Variants in RBFOX3 observed in about 807,000 individuals in gnomAD.
RBFOX3 encodes the protein RNA binding fox-1 homolog 3.
Under a neutral mutation model 48.7 loss-of-function variants are expected in RBFOX3, and 17 were observed. The ratio of observed to expected loss-of-function variants is 0.35; its 90% CI spans 0.24 to 0.52. The LOEUF (loss-of-function observed/expected upper bound fraction) is 0.52, where lower values mean the gene tolerates loss of function less well. Ranked by LOEUF, RBFOX3 falls within the 20% of genes least tolerant of loss-of-function variation. The probability of loss-of-function intolerance (pLI) is 0.94; values close to 1 mark genes in which losing one functional copy is unlikely to be tolerated. For synonymous variants in RBFOX3, 212 were observed against 209.5 expected (o/e 1.01, Z -0.10); for missense variants, 382 against 497.5 (o/e 0.77, Z 2.21).
At chr17:79,424,805 G>A (rs1181658130) in intron 2 of RBFOX3, among the ~76,000 whole-genome samples, 1 of 152,122 alleles carries the variant, frequency 6.6e-6, no homozygotes, top group Non-Finnish European at 1.5e-5. Flanking sequence ...CTGCCTGGAC[G>A]GATGCTGGTG....
chr17:79,169,741 C>T (rs1375696047), intron 4 of RBFOX3, among the ~76,000 whole-genome samples: 2 of 152,190 alleles, frequency 1.3e-5, no homozygotes, highest in Non-Finnish European at 2.9e-5. Flanking sequence ...GAGGTGGCTG[C>T]CACTGGGCAT....
intron 9 of RBFOX3, chr17:79,098,047 C>T: frequency 2.5e-6 from 1 of 406,964 alleles, no homozygotes; most frequent in Non-Finnish European, 4.5e-6. Context: ...GCCTGGGGTA[C>T]CCACCTCCCA....
intron 1 of RBFOX3, among the ~76,000 whole-genome samples, chr17:79,508,153 A>C (rs1169547722): frequency 6.6e-6 from 1 of 152,260 alleles, no homozygotes; most frequent in Non-Finnish European, 1.5e-5. Context: ...AAATCCCTGC[A>C]TGAAAATGAC....
At chr17:79,582,740 G>T (rs1028907237) in intron 1 of RBFOX3, among the ~76,000 whole-genome samples, 1 of 121,656 alleles carries the variant, frequency 8.2e-6, no homozygotes, top group Non-Finnish European at 1.6e-5. Context: ...CCATGATCGC[G>T]CCACTGCACT....
chr17:79,247,254 C>G (rs992265063), intron 3 of RBFOX3, among the ~76,000 whole-genome samples: 7 of 151,958 alleles, frequency 4.6e-5, no homozygotes, highest in African/African-American at 1.7e-4. Flanking sequence ...CTCATCTCCC[C>G]ACCCTGGCTG....
At chr17:79,464,410 C>T (rs1339406545) in intron 2 of RBFOX3, among the ~76,000 whole-genome samples, 1 of 152,230 alleles carries the variant, frequency 6.6e-6, no homozygotes, top group Non-Finnish European at 1.5e-5. Context: ...GGGAGGATGC[C>T]CATCAAGGCG....
rs1402005935 is a variant in RBFOX3 at position 79,584,818 on chromosome 17, T to C, written c.-320+26008A>G. On this transcript the variant is annotated intron_variant, in intron 1 of 14. Coordinates refer to ENST00000693108, the MANE Select transcript of RBFOX3 (RefSeq NM_001350451.2). ...TCTCACTCTGTCGCCCAGGCTGGAGTGCAGTGGCACGATCTCAGCTCACTG... is the reference window on the plus strand; with the variant it reads ...TCTCACTCTGTCGCCCAGGCTGGAGCGCAGTGGCACGATCTCAGCTCACTG... 1.4e-3 allele frequency among the ~76,000 whole-genome samples: 208 copies of C among 151,998 alleles called. 1 individual carries two copies. The highest frequency in any genetic ancestry group is 6.0e-4 in the Non-Finnish European group (41 of 67,998).
intron 4 of RBFOX3, among the ~76,000 whole-genome samples, chr17:79,161,172 G>A (rs1423716791): frequency 6.6e-6 from 1 of 152,032 alleles, no homozygotes; most frequent in Non-Finnish European, 1.5e-5. Context: ...CATCCAGCCT[G>A]AGGCACTCAG....
intron 4 of RBFOX3, among the ~76,000 whole-genome samples, chr17:79,167,601 C>G (rs1482186654): frequency 6.6e-6 from 1 of 152,216 alleles, no homozygotes; most frequent in East Asian, 1.9e-4. Context: ...TCTGGTCTGT[C>G]TCTCTCACCC....
intron 1 of RBFOX3, among the ~76,000 whole-genome samples, chr17:79,605,876 A>C (rs2093817834): frequency 6.6e-6 from 1 of 152,144 alleles, no homozygotes; most frequent in South Asian, 2.1e-4. Flanking sequence ...GCCCCAACCT[A>C]CACGGAAGGA....
At chr17:79,281,955 A>G (rs2070646913) in intron 3 of RBFOX3, among the ~76,000 whole-genome samples, 2 of 152,198 alleles carry the variant, frequency 1.3e-5, no homozygotes, top group South Asian at 2.1e-4. Context: ...CGTTAATTTC[A>G]TCATCACTGA....
In RBFOX3 at chr17:79,090,836, T is replaced by TTTTTG. The variant is rs1024168670; in HGVS notation, c.*42_*46dup. Reference sequence around the variant, plus strand: ...TTTTTGTTTTGTGATTTTTTTTGTTTTTTTGTTTTTGCCCTTCATGGTCCG... The same window carrying TTTTTG: ...TTTTTGTTTTGTGATTTTTTTTGTTTTTTTGTTTTGTTTTTGCCCTTCATGGTCCG... On this transcript the variant is annotated 3_prime_UTR_variant, in exon 15 of 15. Transcript: ENST00000693108. The TTTTTG allele has an allele frequency of 6.6e-7, 1 of 1,507,644 alleles. No homozygotes were observed. Among genetic ancestry groups the TTTTTG allele is most frequent in the African/African-American group, 1.4e-5 (1 of 70,144 alleles). The allele number at this position is 1,507,644 out of a possible 1,614,324, so 93.4% of individuals were successfully genotyped here.
At chr17:79,538,953 G>T (rs782215340) in intron 1 of RBFOX3, among the ~76,000 whole-genome samples, 2 of 152,116 alleles carry the variant, frequency 1.3e-5, no homozygotes, top group Non-Finnish European at 1.5e-5. Flanking sequence ...ACATAAATAC[G>T]CATGCAAACA....
rs2073714048 is a variant in RBFOX3, at chr17:79,090,723, CA to C, written c.*159del. The C allele has an allele frequency of 1.1e-6, 1 of 918,798 alleles. No individual in the cohort carries two copies. The highest frequency in any genetic ancestry group is 2.9e-5 in the Admixed American group (1 of 34,694). 56.9% of individuals were successfully genotyped at this position (918,798 alleles called of 1,614,324 possible). On this transcript the variant is annotated 3_prime_UTR_variant, in exon 15 of 15. Transcript: ENST00000693108. Reference sequence around the variant, plus strand: ...TGCTCCCTCGGTGCGGGCGTGTGGCCAGGACGCGGGACTTGGACTTGGTTGG... The same window carrying C: ...TGCTCCCTCGGTGCGGGCGTGTGGCCGGACGCGGGACTTGGACTTGGTTGG...
the RBFOX3 span, among the ~76,000 whole-genome samples, chr17:79,659,867 C>T: frequency 1.3e-5 from 2 of 152,194 alleles, no homozygotes; most frequent in African/African-American, 4.8e-5. Context: ...TTTCTCCTCC[C>T]TAAAGGGAAC....
At chr17:79,134,796 C>A (rs1461958958) in intron 4 of RBFOX3, among the ~76,000 whole-genome samples, 1 of 152,206 alleles carries the variant, frequency 6.6e-6, no homozygotes, top group Admixed American at 6.5e-5. Context: ...TCAGGGACAG[C>A]AGCCACCGGT....
intron 5 of RBFOX3, among the ~76,000 whole-genome samples, chr17:79,114,950 T>C (rs1360562099): frequency 1.3e-5 from 2 of 152,204 alleles, no homozygotes; most frequent in Non-Finnish European, 1.5e-5. Flanking sequence ...CACTTTTGCC[T>C]GGGAGCTGCA....
At chr17:79,495,280 G>A (rs1247716441) in intron 1 of RBFOX3, among the ~76,000 whole-genome samples, 1 of 122,538 alleles carries the variant, frequency 8.2e-6, no homozygotes, top group Non-Finnish European at 1.7e-5. Flanking sequence ...GGGACGGCTG[G>A]CACGGGTCGT....
intron 2 of RBFOX3, among the ~76,000 whole-genome samples, chr17:79,344,401 C>T (rs1213869980): frequency 6.6e-6 from 1 of 152,078 alleles, no homozygotes; most frequent in Non-Finnish European, 1.5e-5. Context: ...TCTACAAGCA[C>T]CAATAAAAAC....
Sources: gnomAD v4.1 joint callset for allele counts (sites outside exome capture counted in the v4.1 genomes callset) on GRCh38, gnomAD v4.1.1 for gene constraint, MANE v1.5 for transcripts, NCBI Gene and HGNC (gene_info 2026-07-23, HGNC 2026-07-21) for gene names.